Variants in HDAC9 observed in about 807,000 individuals in gnomAD.
The protein encoded by HDAC9 is histone deacetylase 9.
In HDAC9, 41 loss-of-function variants were observed where a neutral mutation model predicts 139.4. The ratio of observed to expected loss-of-function variants is 0.29; its 90% confidence interval spans 0.23 to 0.38. The LOEUF (loss-of-function observed/expected upper bound fraction) is 0.38, where lower values mean the gene tolerates loss of function less well. HDAC9 is among the 10% of genes least tolerant of loss of function. HDAC9 has a pLI of 1.00. For missense variants in HDAC9, 1,147 were observed against 1,297.0 expected (o/e 0.88, Z 1.78); for synonymous variants, 517 against 476.2 (o/e 1.09, Z -1.12).
chr7:18,759,950 A>G lies in HDAC9; in HGVS notation c.2044-2207A>G, dbSNP rs530379090. Among the ~76,000 whole-genome samples the G allele has an allele frequency of 2.6e-5, 4 of 152,346 alleles. No homozygotes were observed. The South Asian group carries it at 8.3e-4, about 32-fold the overall frequency. ...TATACCGGAAGTAAAAATTTAATTT[A>G]TAGATGAAACGAATCTTTATAGACA... On this transcript the variant is annotated intron_variant, in intron 14 of 25. Coordinates refer to ENST00000686413, the MANE Select transcript of HDAC9 (RefSeq NM_178425.4).
At chr7:18,938,642 T>G (rs1781821600) in intron 23 of HDAC9, among the ~76,000 whole-genome samples, 1 of 152,100 alleles carries the variant, frequency 6.6e-6, no homozygotes, top group Non-Finnish European at 1.5e-5. Flanking sequence ...GAATTAAATA[T>G]TAAAACCACC....
intron 1 of HDAC9, among the ~76,000 whole-genome samples, chr7:18,399,270 T>C (rs900531267): frequency 1.8e-4 from 28 of 152,016 alleles, no homozygotes; most frequent in African/African-American, 5.6e-4. Context: ...TAAAACAATA[T>C]GGGAAACTGA....
intron 1 of HDAC9, among the ~76,000 whole-genome samples, chr7:18,091,745 A>G (rs1227335250): frequency 1.3e-5 from 2 of 152,210 alleles, no homozygotes. Flanking sequence ...ACAGAAGATC[A>G]ATAGGAAAAG....
At chr7:18,174,282 A>G (rs557719712) in intron 2 of HDAC9, among the ~76,000 whole-genome samples, 2 of 152,208 alleles carry the variant, frequency 1.3e-5, no homozygotes, top group East Asian at 1.9e-4. Context: ...TTCTCATTCC[A>G]TGGTTTTCAG....
intron 2 of HDAC9, among the ~76,000 whole-genome samples, chr7:18,572,438 T>C (rs991539744): frequency 1.3e-5 from 2 of 151,826 alleles, no homozygotes; most frequent in African/African-American, 4.8e-5. Flanking sequence ...GATTTCCTTA[T>C]AACTCCAAGT....
At chr7:18,240,963 A>G (rs530319750) in intron 2 of HDAC9, among the ~76,000 whole-genome samples, 32 of 152,230 alleles carry the variant, frequency 2.1e-4, no homozygotes, top group African/African-American at 7.5e-4. Flanking sequence ...TTCCTTGACC[A>G]TCTGAAGTTA....
At chr7:18,220,243 A>G (rs1792603164) in intron 2 of HDAC9, among the ~76,000 whole-genome samples, 1 of 152,188 alleles carries the variant, frequency 6.6e-6, no homozygotes, top group African/African-American at 2.4e-5. Context: ...AGGGGAACAA[A>G]TATTTATTTT....
At chr7:18,262,485 T>C (rs952769420) in intron 2 of HDAC9, among the ~76,000 whole-genome samples, 15 of 152,166 alleles carry the variant, frequency 9.9e-5, no homozygotes, top group Non-Finnish European at 2.1e-4. Flanking sequence ...GAAATACCAA[T>C]GGAAGTCCTT....
chr7:18,663,369 A>G (rs964260001), intron 11 of HDAC9, among the ~76,000 whole-genome samples: 3 of 151,932 alleles, frequency 2.0e-5, no homozygotes, highest in Non-Finnish European at 4.4e-5. Context: ...TTGGTGGGTG[A>G]TATTTGTGGC....
intron 6 of HDAC9, among the ~76,000 whole-genome samples, chr7:18,613,036 TTATA>T (rs1393460219): frequency 1.3e-5 from 2 of 149,234 alleles, no homozygotes; most frequent in Non-Finnish European, 3.0e-5. Context: ...TTAGATATAT[TTATA>T]TATCTAATTA....
chr7:18,139,359 T>C (rs1785716554), intron 1 of HDAC9, among the ~76,000 whole-genome samples: 1 of 152,142 alleles, frequency 6.6e-6, no homozygotes, highest in Non-Finnish European at 1.5e-5. Context: ...ACTCCTGAGC[T>C]CAAGCAGTCC....
chr7:18,598,278 T>G (rs1225821587), intron 6 of HDAC9, among the ~76,000 whole-genome samples: 2 of 152,114 alleles, frequency 1.3e-5, no homozygotes, highest in Non-Finnish European at 2.9e-5. Context: ...TTATTCAAGA[T>G]TGACGAACAC....
At chr7:18,381,698 A>G (rs1785462128) in intron 1 of HDAC9, among the ~76,000 whole-genome samples, 1 of 152,056 alleles carries the variant, frequency 6.6e-6, no homozygotes, top group South Asian at 2.1e-4. Flanking sequence ...AATAAAAATA[A>G]CTTAAATAAT....
intron 1 of HDAC9, among the ~76,000 whole-genome samples, chr7:18,310,162 T>TG (rs1253455941): frequency 1.2e-3 from 50 of 42,346 alleles, no homozygotes; most frequent in African/African-American, 3.6e-3. Context: ...AGGACTGTGG[T>TG]GGGGGGGTGG....
intron 14 of HDAC9, among the ~76,000 whole-genome samples, chr7:18,753,502 A>T (rs547959058): frequency 6.6e-6 from 1 of 152,240 alleles, no homozygotes; most frequent in Non-Finnish European, 1.5e-5. Context: ...AGGAATCTCA[A>T]TTCTGCTGAC....
chr7:18,520,676 T>A (rs1207330923), intron 2 of HDAC9, among the ~76,000 whole-genome samples: 1 of 152,170 alleles, frequency 6.6e-6, no homozygotes, highest in Non-Finnish European at 1.5e-5. Context: ...CAACACATAT[T>A]TTCCAAAATA....
intron 1 of HDAC9, among the ~76,000 whole-genome samples, chr7:18,476,186 C>T (rs1007443638): frequency 6.6e-6 from 1 of 152,062 alleles, no homozygotes; most frequent in Admixed American, 6.6e-5. Context: ...TGCTATGTTA[C>T]TCTGCAGGGA....
intron 16 of HDAC9, among the ~76,000 whole-genome samples, chr7:18,786,641 T>C (rs13240430): frequency 0.4 from 20,883 of 52,036 alleles, 5,008 homozygotes; most frequent in Non-Finnish European, 0.55. Flanking sequence ...TTCCTTCCTT[T>C]CTTCCCTCCT....
chr7:18,908,255 T>TTTAAA (rs1802445537), intron 22 of HDAC9, among the ~76,000 whole-genome samples: 3 of 152,224 alleles, frequency 2.0e-5, no homozygotes, highest in African/African-American at 7.2e-5. Flanking sequence ...AAATTTTAAT[T>TTTAAA]GACACATAAT....
Sources: gnomAD v4.1 joint callset for allele counts (sites outside exome capture counted in the v4.1 genomes callset) on GRCh38, gnomAD v4.1.1 for gene constraint, MANE v1.5 for transcripts, NCBI Gene and HGNC (gene_info 2026-07-23, HGNC 2026-07-21) for gene names.